The following MYRIP variants were observed in gnomAD, a reference collection of about 807,000 sequenced individuals.
The protein encoded by MYRIP is rab effector MyRIP.
Under a neutral mutation model 98.0 loss-of-function variants are expected in MYRIP, and 49 were observed. The ratio of observed to expected loss-of-function variants is 0.50; its 90% CI spans 0.40 to 0.63. The LOEUF is 0.63. MYRIP is among the 30% of genes least tolerant of loss of function. The pLI, the probability that MYRIP is intolerant of heterozygous loss-of-function variation, is 0.00. For missense variants in MYRIP, 1,004 were observed against 1,058.2 expected, an observed-to-expected ratio of 0.95 and a Z score of 0.71; for synonymous variants, 404 against 409.5, an observed-to-expected ratio of 0.99 and a Z score of 0.16.
chr3:40,244,415 C>A, intron 12 of MYRIP, 31 bp from the exon 13 acceptor site: 2 of 1,580,058 alleles, frequency 1.3e-6, no homozygotes, highest in African/African-American at 1.4e-5. Context: ...AGTCTGCAGA[C>A]ATGAACTCAA....
At chr3:39,859,308 C>G (rs1942393664) in intron 1 of MYRIP, among the ~76,000 whole-genome samples, 1 of 152,082 alleles carries the variant, frequency 6.6e-6, no homozygotes. Context: ...GAACATACAA[C>G]CGGCCATGAC....
At chr3:40,159,109 G>T (rs1950316169) in intron 4 of MYRIP, among the ~76,000 whole-genome samples, 1 of 151,824 alleles carries the variant, frequency 6.6e-6, no homozygotes, top group South Asian at 2.1e-4. Context: ...TTACATTTTG[G>T]CATGATTTTG....
At chr3:39,838,243 A>G (rs1456109443) in intron 1 of MYRIP, among the ~76,000 whole-genome samples, 2 of 141,372 alleles carry the variant, frequency 1.4e-5, no homozygotes, top group African/African-American at 2.5e-5. Context: ...TTCCAATACT[A>G]TGTTGAATAG....
intron 15 of MYRIP, 45 bp from the exon 16 acceptor site, chr3:40,251,836 A>G: frequency 7.6e-7 from 1 of 1,320,526 alleles, no homozygotes; most frequent in Non-Finnish European, 1.1e-6. Flanking sequence ...ACAATCAATC[A>G]GTCCATCTTC....
chr3:40,078,898 T>C (rs1948414157), intron 3 of MYRIP, among the ~76,000 whole-genome samples: 1 of 152,170 alleles, frequency 6.6e-6, no homozygotes, highest in Admixed American at 6.5e-5. Context: ...GATTTGGAGT[T>C]CTTTTGGAAA....
chr3:40,020,233 C>T (rs905322984), intron 2 of MYRIP, among the ~76,000 whole-genome samples: 1 of 152,174 alleles, frequency 6.6e-6, no homozygotes, highest in African/African-American at 2.4e-5. Context: ...CAAGTGACAA[C>T]ATGTGGTATT....
intron 3 of MYRIP, among the ~76,000 whole-genome samples, chr3:40,120,911 C>T (rs985313614): frequency 7.2e-5 from 11 of 152,170 alleles, no homozygotes; most frequent in African/African-American, 2.4e-4. Context: ...ATAATTGAGA[C>T]TAAATGAAAC....
chr3:40,024,636 G>A (rs912395587), intron 2 of MYRIP, among the ~76,000 whole-genome samples: 1 of 151,912 alleles, frequency 6.6e-6, no homozygotes, highest in Non-Finnish European at 1.5e-5. Context: ...GTATGCTGTG[G>A]TATAATACGA....
chr3:39,922,507 T>G (rs1409431516), intron 2 of MYRIP, among the ~76,000 whole-genome samples: 2 of 152,112 alleles, frequency 1.3e-5, no homozygotes, highest in East Asian at 3.9e-4. Flanking sequence ...GCCAGTGTGG[T>G]GTCAGAGGAG....
chr3:39,847,938 A>G (rs111699733), intron 1 of MYRIP, among the ~76,000 whole-genome samples: 6 of 152,310 alleles, frequency 3.9e-5, no homozygotes, highest in South Asian at 2.1e-4. Flanking sequence ...GGCTGCAGCA[A>G]TCACACAGCT....
chr3:40,015,389 G>A (rs1317687530), intron 2 of MYRIP, among the ~76,000 whole-genome samples: 2 of 152,206 alleles, frequency 1.3e-5, no homozygotes, highest in African/African-American at 4.8e-5. Context: ...AAAGACAAGT[G>A]AGAGAAGCTT....
intron 13 of MYRIP, among the ~76,000 whole-genome samples, chr3:40,249,394 G>A (rs1953304010): frequency 6.6e-6 from 1 of 152,180 alleles, no homozygotes; most frequent in Admixed American, 6.5e-5. Context: ...TCCATGCACT[G>A]CCCAGATTGG....
intron 4 of MYRIP, among the ~76,000 whole-genome samples, chr3:40,155,854 G>C (rs1459532776): frequency 1.3e-5 from 2 of 151,544 alleles, no homozygotes; most frequent in Non-Finnish European, 3.0e-5. Context: ...TTTTTTTCTT[G>C]TAAATTTGTT....
rs1559443340 is a variant in MYRIP at position 40,190,248 on chromosome 3, G to A, written c.1450G>A (p.Ala484Thr). The A allele has an allele frequency of 6.2e-7, 1 of 1,613,990 alleles. No individual in the cohort carries two copies. The highest frequency in any genetic ancestry group is 8.5e-7 in the Non-Finnish European group (1 of 1,180,038). ...GCAGAGGAAGGCCCCCAGGAACCCT[G>A]CAGCTGAGAAGATGCGCTTGCATGG... Reference protein sequence around the residue: ...WLQRKAPRNPAAEKMRLHGEL... With the variant: ...WLQRKAPRNPTAEKMRLHGEL... The change falls in exon 10 of 17, where the codon GCA becomes ACA. Residue 484 changes from alanine (A) to threonine (T), a missense_variant. Coordinates refer to ENST00000302541, the MANE Select transcript of MYRIP (RefSeq NM_015460.4).
At chr3:40,160,574 CG>C in intron 4 of MYRIP, among the ~76,000 whole-genome samples, 1 of 152,276 alleles carries the variant, frequency 6.6e-6, no homozygotes, top group Middle Eastern at 3.4e-3. Context: ...TGGGCAATGG[CG>C]GGCGCCCCTC....
intron 2 of MYRIP, among the ~76,000 whole-genome samples, chr3:39,949,638 G>A (rs1266880155): frequency 6.6e-6 from 1 of 151,992 alleles, no homozygotes; most frequent in Non-Finnish European, 1.5e-5. Flanking sequence ...AAATATTATT[G>A]GCATTGATTT....
chr3:39,945,476 C>CAAAAAAAA (rs67748992), intron 2 of MYRIP, among the ~76,000 whole-genome samples: 6 of 65,168 alleles, frequency 9.2e-5, no homozygotes, highest in African/African-American at 1.5e-4. Context: ...GACTCCATCT[C>CAAAAAAAA]AAAAAAAAAA....
chr3:39,902,339 C>T (rs1450227139), intron 2 of MYRIP, among the ~76,000 whole-genome samples: 1 of 152,180 alleles, frequency 6.6e-6, no homozygotes, highest in Non-Finnish European at 1.5e-5. Flanking sequence ...GTAGATGGAG[C>T]AGGGAAACTA....
At chr3:39,844,446 G>A (rs2371091) in intron 1 of MYRIP, among the ~76,000 whole-genome samples, 45,092 of 152,088 alleles carry the variant, frequency 0.3, 6,908 homozygotes, top group South Asian at 0.36. Context: ...GGTTGATTAT[G>A]AGGAATTTCC....
Sources: allele counts gnomAD v4.1 joint callset (sites outside exome capture counted in the v4.1 genomes callset), GRCh38; gene constraint gnomAD v4.1.1; transcripts MANE v1.5; gene names NCBI Gene and HGNC (gene_info 2026-07-23, HGNC 2026-07-21).